Variants in USP12 observed in about 807,000 individuals in gnomAD.
USP12 encodes ubiquitin specific peptidase 12.
A neutral mutation model predicts 45.5 loss-of-function variants in USP12; 19 were observed. The observed-to-expected ratio is 0.42, with a 90% CI of 0.29 to 0.61. USP12 has a LOEUF of 0.61. Ranked by LOEUF, USP12 falls within the 20% of genes least tolerant of loss-of-function variation. USP12 has a pLI of 0.22. For missense variants in USP12, 242 were observed against 447.7 expected (o/e 0.54, Z 4.15); for synonymous variants, 149 against 148.8 (o/e 1.00, Z -0.01).
chr13:27,078,424 G>A lies in USP12; in HGVS notation c.735-3036C>T, dbSNP rs189932779. On this transcript the variant is annotated intron_variant, in intron 6 of 8. Coordinates refer to ENST00000282344, the MANE Select transcript of USP12 (RefSeq NM_182488.4). The stretch of plus-strand genomic sequence containing the variant: ...TGAGGGTCCTGGAACCAACTGATAC[G>A]GAGCATAACTGTATGCATTTTCTTG... Among the ~76,000 whole-genome samples the A allele has an allele frequency of 6.8e-3, 1,028 of 150,494 alleles. 4 individuals are homozygous for A. The highest frequency in any genetic ancestry group is 0.017 in the Middle Eastern group (5 of 286).
intron 1 of USP12, among the ~76,000 whole-genome samples, chr13:27,139,528 A>C (rs1166681183): frequency 6.6e-6 from 1 of 152,202 alleles, no homozygotes; most frequent in East Asian, 1.9e-4. Flanking sequence ...AGGCAGGAGA[A>C]TCGCTTGAAC....
intron 4 of USP12, among the ~76,000 whole-genome samples, chr13:27,092,916 G>C (rs944840931): frequency 3.3e-5 from 5 of 152,172 alleles, no homozygotes; most frequent in African/African-American, 1.2e-4. Flanking sequence ...TGCTCTGCCA[G>C]CCAGGCCCGG....
intron 1 of USP12, among the ~76,000 whole-genome samples, chr13:27,126,034 G>C (rs1039779183): frequency 6.6e-6 from 1 of 152,254 alleles, no homozygotes; most frequent in African/African-American, 2.4e-5. Context: ...TTCCACCTCT[G>C]GGGGCAGGGC....
At chr13:27,091,554 G>A (rs1874316455) in intron 4 of USP12, among the ~76,000 whole-genome samples, 1 of 152,122 alleles carries the variant, frequency 6.6e-6, no homozygotes, top group African/African-American at 2.4e-5. Context: ...GCTGCTATTG[G>A]ACTAATATGT....
intron 4 of USP12, among the ~76,000 whole-genome samples, chr13:27,094,150 C>A (rs1192843816): frequency 2.7e-5 from 4 of 150,890 alleles, no homozygotes; most frequent in Non-Finnish European, 4.4e-5. Flanking sequence ...ATTTGTGTCT[C>A]CCCACAGACT....
At chr13:27,094,298 G>GTTCAA (rs1240189982) in intron 4 of USP12, among the ~76,000 whole-genome samples, 2 of 152,066 alleles carry the variant, frequency 1.3e-5, no homozygotes, top group Non-Finnish European at 1.5e-5. Context: ...GAGGGCAGGA[G>GTTCAA]TTCAAGACCA....
intron 1 of USP12, among the ~76,000 whole-genome samples, chr13:27,123,497 T>G (rs1337547513): frequency 6.6e-6 from 1 of 152,240 alleles, no homozygotes; most frequent in East Asian, 1.9e-4. Flanking sequence ...TAGGCTGATA[T>G]AGTTTGGCTG....
chr13:27,110,680 T>C (rs765656960), intron 2 of USP12, among the ~76,000 whole-genome samples: 2 of 152,232 alleles, frequency 1.3e-5, no homozygotes, highest in Non-Finnish European at 2.9e-5. Context: ...TAACTACAGA[T>C]ACACTTCAAT....
At chr13:27,077,774 A>T (rs1873557995) in intron 6 of USP12, 1 of 152,182 alleles carries the variant, frequency 6.6e-6, no homozygotes, top group African/African-American at 2.4e-5. Flanking sequence ...GGAAGAAAAA[A>T]GAAGTTGATT....
rs1874238870 is a variant in USP12 at position 27,089,970 on chromosome 13, T to C, written c.651-4A>G. 1 of 1,604,470 alleles carries C rather than the reference T, an allele frequency of 6.2e-7. No homozygotes were observed. ...AGTTTCTGTGTTGCTGAAACCCCTG[T>C]GTGAAATTCAAAACAAATTTATTTT... is the stretch of plus-strand genomic sequence containing the variant. On this transcript the variant is annotated splice_region_variant and splice_polypyrimidine_tract_variant and intron_variant, in intron 5 of 8. Coordinates refer to ENST00000282344, the MANE Select transcript of USP12 (RefSeq NM_182488.4).
chr13:27,109,066 C>A lies in USP12; in HGVS notation c.130-3122G>T, dbSNP rs1875293944. 3.9e-5 allele frequency among the ~76,000 whole-genome samples: 6 copies of A among 152,250 alleles called. No individual in the cohort carries two copies. In the South Asian group the frequency reaches 1.2e-3, roughly 32 times the overall value. On this transcript the variant is annotated intron_variant, in intron 2 of 8. Coordinates refer to ENST00000282344, the MANE Select transcript of USP12 (RefSeq NM_182488.4). ...TATAAAAGGAAAAACATTCAAGATT[C>A]ATCTTGCCTTTCTTATAAGAACCAT...
intron 2 of USP12, among the ~76,000 whole-genome samples, chr13:27,109,814 C>T (rs112452559): frequency 1.1e-4 from 16 of 148,990 alleles, no homozygotes; most frequent in African/African-American, 4.0e-4. Context: ...GAGGCTGAGA[C>T]AGGAGAATCG....
At chr13:27,167,275 A>T (rs1379984833) in intron 1 of USP12, among the ~76,000 whole-genome samples, 1 of 143,444 alleles carries the variant, frequency 7.0e-6, no homozygotes, top group African/African-American at 2.6e-5. Context: ...AAAAAAAATA[A>T]AATAAATAAA....
At chr13:27,168,090 G>C (rs1253608478) in intron 1 of USP12, among the ~76,000 whole-genome samples, 1 of 152,306 alleles carries the variant, frequency 6.6e-6, no homozygotes, top group Admixed American at 6.5e-5. Flanking sequence ...GGCTTTCTCA[G>C]AAGAAAAGCC....
At chr13:27,125,808 C>G (rs1050058440) in intron 1 of USP12, among the ~76,000 whole-genome samples, 2 of 152,262 alleles carry the variant, frequency 1.3e-5, no homozygotes, top group Non-Finnish European at 2.9e-5. Context: ...GACTCCCTCC[C>G]GTGCCTGGCT....
intron 4 of USP12, 89 bp from the exon 5 acceptor site, chr13:27,090,247 A>T: frequency 9.8e-7 from 1 of 1,023,448 alleles, no homozygotes; most frequent in Non-Finnish European, 1.4e-6. Context: ...TTCTATTATT[A>T]TCAGTAAGTA....
rs1175284062 is a variant in USP12, at chr13:27,167,262, C to CA, written c.48+4329dup. 1.3e-3 allele frequency among the ~76,000 whole-genome samples: 181 copies of CA among 144,320 alleles called. 2 individuals are homozygous for CA. The highest frequency in any genetic ancestry group is 1.2e-3 in the East Asian group (6 of 5,024). 94.7% of individuals were successfully genotyped at this position (144,320 alleles called of 152,430 possible). On this transcript the variant is annotated intron_variant, in intron 1 of 8. Transcript: ENST00000282344. Reference sequence around the variant, plus strand: ...GGGCAACAAGAGTGAAACTCCGTCTCAAAAAAAAAATAAAATAAATAAATA... The same window carrying CA: ...GGGCAACAAGAGTGAAACTCCGTCTCAAAAAAAAAAATAAAATAAATAAATA...
At chr13:27,128,663 A>AT (rs746396275) in intron 1 of USP12, among the ~76,000 whole-genome samples, 6 of 152,314 alleles carry the variant, frequency 3.9e-5, no homozygotes, top group Middle Eastern at 3.4e-3. Context: ...GATAATTTCT[A>AT]TATCTATTCC....
chr13:27,165,178 G>C (rs1418444208), intron 1 of USP12, among the ~76,000 whole-genome samples: 1 of 151,782 alleles, frequency 6.6e-6, no homozygotes, highest in Non-Finnish European at 1.5e-5. Flanking sequence ...AAATATGTTT[G>C]AGAATGTCAC....
Sources: gnomAD v4.1 joint callset for allele counts (sites outside exome capture counted in the v4.1 genomes callset) on GRCh38, gnomAD v4.1.1 for gene constraint, MANE v1.5 for transcripts, NCBI Gene and HGNC (gene_info 2026-07-23, HGNC 2026-07-21) for gene names.